NR3C2: variants seen among roughly 807,000 people sequenced by gnomAD.
The protein encoded by NR3C2 is mineralocorticoid receptor.
NR3C2 carries 15 observed loss-of-function variants against 86.4 expected under a neutral mutation model. That is an observed-to-expected ratio of 0.17 (90% CI 0.12 to 0.27). NR3C2 has a LOEUF of 0.27. Among genes scored for constraint, NR3C2 ranks in the 10% least tolerant of loss-of-function variants. NR3C2 has a pLI of 1.00. For synonymous variants in NR3C2, 458 were observed against 450.5 expected (o/e 1.02, Z -0.21); for missense variants, 960 against 1,195.6 (o/e 0.80, Z 2.91).
intron 2 of NR3C2, among the ~76,000 whole-genome samples, chr4:148,299,103 T>A (rs1172750128): frequency 6.6e-6 from 1 of 152,122 alleles, no homozygotes; most frequent in African/African-American, 2.4e-5. Flanking sequence ...TTATTTTTAT[T>A]TTTTGCTGAG....
rs553689143 is a variant in NR3C2, at chr4:148,098,090, TCTC to T, written c.2799+16011_2799+16013del. 7.2e-5 allele frequency among the ~76,000 whole-genome samples: 11 copies of T among 152,206 alleles called. No homozygotes were observed. In the South Asian group the frequency reaches 2.1e-3, roughly 29 times the overall value. On this transcript the variant is annotated intron_variant, in intron 8 of 8. Transcript: ENST00000358102. The stretch of plus-strand genomic sequence containing the variant: ...GAGATGGATTTGAGGTTTCCTCCCA[TCTC>T]CTCTTTTGGTGTGACTCTGATTAAA...
chr4:148,236,396 T>C (rs1481882685), intron 3 of NR3C2, among the ~76,000 whole-genome samples: 6 of 152,234 alleles, frequency 3.9e-5, no homozygotes. Flanking sequence ...GTTGATTTTT[T>C]AGTGAAATCC....
intron 2 of NR3C2, among the ~76,000 whole-genome samples, chr4:148,371,351 TATAATC>T (rs1746412944): frequency 6.6e-6 from 1 of 152,194 alleles, no homozygotes; most frequent in Non-Finnish European, 1.5e-5. Flanking sequence ...TTTTAATTCT[TATAATC>T]ATATAATAGA....
intron 2 of NR3C2, among the ~76,000 whole-genome samples, chr4:148,401,504 C>T (rs1316387209): frequency 7.3e-6 from 1 of 136,120 alleles, no homozygotes; most frequent in Non-Finnish European, 1.5e-5. Context: ...TGCTCTGTTG[C>T]CCAGGCTGGA....
At chr4:148,427,606 T>A (rs1749608772) in intron 2 of NR3C2, among the ~76,000 whole-genome samples, 1 of 151,674 alleles carries the variant, frequency 6.6e-6, no homozygotes, top group South Asian at 2.1e-4. Flanking sequence ...CACGGGAGTC[T>A]GTGCCTCGGT....
At chr4:148,250,294 A>T (rs1739516122) in intron 3 of NR3C2, among the ~76,000 whole-genome samples, 1 of 152,188 alleles carries the variant, frequency 6.6e-6, no homozygotes, top group Admixed American at 6.5e-5. Flanking sequence ...GGGCCTTGAA[A>T]GACTGACATC....
At chr4:148,367,430 A>G (rs1191614406) in intron 2 of NR3C2, among the ~76,000 whole-genome samples, 1 of 152,234 alleles carries the variant, frequency 6.6e-6, no homozygotes, top group Non-Finnish European at 1.5e-5. Context: ...AAAAGTTTAA[A>G]GGTATATTTA....
chr4:148,250,999 G>A (rs983528892), intron 3 of NR3C2, among the ~76,000 whole-genome samples: 3 of 151,932 alleles, frequency 2.0e-5, no homozygotes, highest in East Asian at 1.9e-4. Flanking sequence ...TGCCCAGGCC[G>A]AAGTGCAGTG....
intron 2 of NR3C2, among the ~76,000 whole-genome samples, chr4:148,399,736 C>G (rs1579252709): frequency 6.6e-6 from 1 of 151,804 alleles, no homozygotes; most frequent in Admixed American, 6.6e-5. Flanking sequence ...ACTCACCAAT[C>G]ACAGATATTA....
chr4:148,152,371 T>C, intron 6 of NR3C2, 98 bp downstream of exon 6: 2 of 1,377,876 alleles, frequency 1.5e-6, no homozygotes, highest in African/African-American at 1.4e-5. Context: ...TTTCAGTAGA[T>C]TCTTTCACCA....
At chr4:148,444,647 G>A (rs1214523420), upstream of NR3C2, 19 of 985,752 alleles carry the variant, frequency 1.9e-5, no homozygotes, top group Non-Finnish European at 2.3e-5. Context: ...AGGATGGAGA[G>A]GATGATAATC....
In NR3C2 at chr4:148,423,025, G is replaced by C. The variant is rs565522937; in HGVS notation, c.1757+12079C>G. ...TGTAGTGGAAAAGGAACAGGTTTTG[G>C]GTCCAATAACCTGTATTCAATGATT... On this transcript the variant is annotated intron_variant, in intron 2 of 8. Coordinates refer to ENST00000358102, the MANE Select transcript of NR3C2 (RefSeq NM_000901.5). Among the ~76,000 whole-genome samples the C allele has an allele frequency of 5.3e-5, 8 of 151,938 alleles. No homozygotes were observed. In the East Asian group the frequency reaches 1.4e-3, roughly 26 times the overall value.
intron 8 of NR3C2, among the ~76,000 whole-genome samples, chr4:148,109,450 C>T (rs1731951748): frequency 6.6e-6 from 1 of 152,228 alleles, no homozygotes; most frequent in South Asian, 2.1e-4. Context: ...CATTGGCCCA[C>T]TGGTCCTGGG....
chr4:148,211,001 G>A (rs186303337), intron 3 of NR3C2, among the ~76,000 whole-genome samples: 1 of 152,336 alleles, frequency 6.6e-6, no homozygotes. Flanking sequence ...GTGATCATTA[G>A]AATGAATTGG....
intron 3 of NR3C2, among the ~76,000 whole-genome samples, chr4:148,197,398 A>G (rs1326618054): frequency 2.0e-5 from 3 of 152,232 alleles, no homozygotes; most frequent in South Asian, 2.1e-4. Context: ...TTTTAATTCA[A>G]TAAGTATTTA....
At chr4:148,202,542 A>G (rs1302093388) in intron 3 of NR3C2, among the ~76,000 whole-genome samples, 1 of 152,220 alleles carries the variant, frequency 6.6e-6, no homozygotes, top group Non-Finnish European at 1.5e-5. Context: ...TTATCACTAA[A>G]TGATATATTT....
chr4:148,255,072 GCC>G (rs11349017), intron 3 of NR3C2, among the ~76,000 whole-genome samples: 25 of 151,678 alleles, frequency 1.6e-4, no homozygotes, highest in African/African-American at 3.6e-4. Context: ...AATGCTCACT[GCC>G]CCCCCCCAAC....
intron 6 of NR3C2, among the ~76,000 whole-genome samples, chr4:148,122,493 C>T (rs1202254822): frequency 6.6e-6 from 1 of 152,160 alleles, no homozygotes; most frequent in Non-Finnish European, 1.5e-5. Flanking sequence ...ATTTTAATAA[C>T]TCAGTTTAAT....
intron 2 of NR3C2, among the ~76,000 whole-genome samples, chr4:148,295,402 T>C (rs1741999241): frequency 6.6e-6 from 1 of 151,732 alleles, no homozygotes; most frequent in East Asian, 1.9e-4. Context: ...AGGCTCCCTC[T>C]GCAATATCCA....
Sources: allele counts gnomAD v4.1 joint callset (sites outside exome capture counted in the v4.1 genomes callset), GRCh38; gene constraint gnomAD v4.1.1; transcripts MANE v1.5; gene names NCBI Gene and HGNC (gene_info 2026-07-23, HGNC 2026-07-21).